RPTOR: variants seen among roughly 807,000 people sequenced by gnomAD.
RPTOR encodes the protein regulatory associated protein of MTOR complex 1.
A neutral mutation model predicts 169.9 loss-of-function variants in RPTOR; 21 were observed. The ratio of observed to expected loss-of-function variants is 0.12; its 90% confidence interval spans 0.09 to 0.18. The LOEUF (loss-of-function observed/expected upper bound fraction) is 0.18, where lower values mean the gene tolerates loss of function less well. Among genes scored for constraint, RPTOR ranks in the 10% least tolerant of loss-of-function variants. The probability of loss-of-function intolerance (pLI) is 1.00; values close to 1 mark genes in which losing one functional copy is unlikely to be tolerated. For missense variants in RPTOR, 1,133 were observed against 1,855.9 expected (o/e 0.61, Z 7.16); for synonymous variants, 732 against 753.2 (o/e 0.97, Z 0.46).
intron 6 of RPTOR, among the ~76,000 whole-genome samples, chr17:80,776,682 A>G (rs1219224147): frequency 6.6e-6 from 1 of 152,222 alleles, no homozygotes; most frequent in East Asian, 1.9e-4. Context: ...TCACACATAT[A>G]TGAAAGTGTC....
In RPTOR at chr17:80,823,679, A is replaced by G; in HGVS notation, c.1136+456A>G. On this transcript the variant is annotated intron_variant, in intron 9 of 33. Coordinates refer to ENST00000306801, the MANE Select transcript of RPTOR (RefSeq NM_020761.3). This position sits in a 1 kb window ranked among gnomAD's most constrained non-coding sequence, Gnocchi z 4.5. ...CACACACACACACACACACACACAC[A>G]ACGCTCATAAGTGTAATCCTTTATG... 1 of 153,692 alleles carries G rather than the reference A, an allele frequency of 6.5e-6. No individual in the cohort carries two copies. Among genetic ancestry groups the G allele is most frequent in the South Asian group, 1.8e-4 (1 of 5,640 alleles). 9.5% of individuals were successfully genotyped at this position (153,692 alleles called of 1,614,324 possible).
chr17:80,694,231 G>A (rs1468506270), intron 3 of RPTOR, among the ~76,000 whole-genome samples: 1 of 152,208 alleles, frequency 6.6e-6, no homozygotes, highest in East Asian at 1.9e-4. Context: ...CCGTGCTCAC[G>A]AATCCCTGAC....
intron 13 of RPTOR, among the ~76,000 whole-genome samples, chr17:80,864,480 A>G (rs1308092460): frequency 6.9e-6 from 1 of 143,966 alleles, no homozygotes; most frequent in Non-Finnish European, 1.5e-5. Flanking sequence ...GCGGAACAGC[A>G]TCTTTAAAGC....
At chr17:80,582,232 C>T (rs934135023) in intron 1 of RPTOR, among the ~76,000 whole-genome samples, 1 of 152,208 alleles carries the variant, frequency 6.6e-6, no homozygotes, top group African/African-American at 2.4e-5. Flanking sequence ...CAGAGGACAG[C>T]TCAGCTGATT....
At position 80,708,836 on chromosome 17, in the gene RPTOR, GCA is replaced by G; in HGVS notation, c.507+839_507+840del. On this transcript the variant is annotated intron_variant, in intron 4 of 33. Coordinates refer to ENST00000306801, the MANE Select transcript of RPTOR (RefSeq NM_020761.3). This position sits in a 1 kb window ranked among gnomAD's most constrained non-coding sequence, Gnocchi z 4.2. ...TATGTGCCTGAGCGTGTCTATGAGG[GCA>G]CTGATTTGGAATCCAGCAAATCCGA... is the stretch of plus-strand genomic sequence containing the variant. The G allele has an allele frequency of 1.6e-6, 1 of 639,770 alleles. No homozygotes were observed. The highest frequency in any genetic ancestry group is 1.9e-6 in the Non-Finnish European group (1 of 514,178). The allele number at this position is 639,770 out of a possible 1,614,324, so 39.6% of individuals were successfully genotyped here. A position where few individuals can be genotyped will look rare whatever the true frequency, so the allele number is the denominator to read the frequency against.
At chr17:80,626,052 T>G (rs1487491642) in intron 2 of RPTOR, among the ~76,000 whole-genome samples, 1 of 152,128 alleles carries the variant, frequency 6.6e-6, no homozygotes, top group Non-Finnish European at 1.5e-5. Flanking sequence ...TATTTTTTTA[T>G]TTATTATTAT....
rs368431718 is a variant in RPTOR, at chr17:80,708,049, A to G, written c.507+50A>G. ...CCCGTTTCTGCCAAAAGCCATGCCA[A>G]TTGCGGTGGTCGGAGCAGGTCCTGC... On this transcript the variant is annotated intron_variant, in intron 4 of 33. Transcript: ENST00000306801. The surrounding 1 kb of genome is among the most constrained non-coding windows in gnomAD (Gnocchi z 4.2). 61 of 1,577,848 alleles carry G rather than the reference A, an allele frequency of 3.9e-5. No individual in the cohort carries two copies. The highest frequency in any genetic ancestry group is 2.3e-4 in the Middle Eastern group (1 of 4,396).
At chr17:80,549,767 G>A (rs2084322481) in intron 1 of RPTOR, among the ~76,000 whole-genome samples, 1 of 152,168 alleles carries the variant, frequency 6.6e-6, no homozygotes. Context: ...TGACAGACAT[G>A]CTATGTCTAC....
chr17:80,764,812 C>G (rs2066770613), intron 6 of RPTOR, among the ~76,000 whole-genome samples: 1 of 152,206 alleles, frequency 6.6e-6, no homozygotes, highest in African/African-American at 2.4e-5. Context: ...TCCACATCCT[C>G]TCCAGCACCT....
chr17:80,811,190 A>T (rs9894955), intron 7 of RPTOR, among the ~76,000 whole-genome samples: 17,856 of 152,206 alleles, frequency 0.12, 1,109 homozygotes, highest in South Asian at 0.15. Context: ...CATTTTATCT[A>T]AATCTACTAA....
intron 10 of RPTOR, among the ~76,000 whole-genome samples, chr17:80,842,837 G>A (rs540095826): frequency 6.6e-6 from 1 of 152,288 alleles, no homozygotes; most frequent in East Asian, 1.9e-4. Context: ...CCCCGTGAAT[G>A]CTCGGCTTAC....
Position 80,695,683 on chromosome 17 carries a change from G to A in RPTOR, c.349-12158G>A, listed in dbSNP as rs2066030423. Among the ~76,000 whole-genome samples the A allele has an allele frequency of 6.6e-6, 1 of 152,228 alleles. No individual in the cohort carries two copies. On this transcript the variant is annotated intron_variant, in intron 3 of 33. Transcript: ENST00000306801. The surrounding 1 kb of genome is among the most constrained non-coding windows in gnomAD (Gnocchi z 4.9). ...AGAATAATCGTGAGAAGGAGCCAGT[G>A]GAGTGGTGTGACTTTTGTATTTATA... is the stretch of plus-strand genomic sequence containing the variant.
At chr17:80,743,135 C>G (rs903505105) in intron 5 of RPTOR, among the ~76,000 whole-genome samples, 2 of 152,212 alleles carry the variant, frequency 1.3e-5, no homozygotes, top group African/African-American at 4.8e-5. Flanking sequence ...GTGTCTCCAG[C>G]TTTCCCTCTC....
intron 24 of RPTOR, among the ~76,000 whole-genome samples, chr17:80,934,062 A>C (rs927084699): frequency 3.3e-5 from 5 of 151,628 alleles, no homozygotes; most frequent in African/African-American, 1.2e-4. Context: ...TGAAATAGAC[A>C]AATTCCTTGG....
chr17:80,743,053 G>T (rs944402634), intron 5 of RPTOR, among the ~76,000 whole-genome samples: 35 of 152,156 alleles, frequency 2.3e-4, no homozygotes, highest in Non-Finnish European at 3.8e-4. Context: ...GAGTACACGT[G>T]TCTGGATCCA....
At chr17:80,597,380 C>T (rs1360606018) in intron 1 of RPTOR, among the ~76,000 whole-genome samples, 2 of 152,152 alleles carry the variant, frequency 1.3e-5, no homozygotes, top group East Asian at 1.9e-4. Flanking sequence ...GGATGACTAA[C>T]TTGACTCAAA....
chr17:80,875,110 C>T (rs1459396989), intron 13 of RPTOR, among the ~76,000 whole-genome samples: 1 of 152,218 alleles, frequency 6.6e-6, no homozygotes, highest in Admixed American at 6.5e-5. Flanking sequence ...TCTTGTGTTC[C>T]TGCTTCTCCA....
At chr17:80,930,066 C>T (rs567124588) in intron 24 of RPTOR, among the ~76,000 whole-genome samples, 1 of 150,498 alleles carries the variant, frequency 6.6e-6, no homozygotes, top group Admixed American at 6.6e-5. Flanking sequence ...AGCTCATCCT[C>T]ATCCCCAGCT....
chr17:80,649,000 A>T (rs1411458558), intron 3 of RPTOR, among the ~76,000 whole-genome samples: 2 of 152,204 alleles, frequency 1.3e-5, no homozygotes, highest in Admixed American at 1.3e-4. Context: ...TGGAACTATA[A>T]GTCTATTAAA....
Sources: gnomAD v4.1 joint callset for allele counts (sites outside exome capture counted in the v4.1 genomes callset) on GRCh38, gnomAD v4.1.1 for gene constraint, Gnocchi (gnomAD v3.1) non-coding constraint, MANE v1.5 for transcripts, NCBI Gene and HGNC (gene_info 2026-07-23, HGNC 2026-07-21) for gene names.